Variants in BICRA observed in about 807,000 individuals in gnomAD.
BICRA encodes the protein BRD4 interacting chromatin remodeling complex associated protein, also known as BRD4-interacting chromatin-remodeling complex-associated protein.
In BICRA, 31 loss-of-function variants were observed where a neutral mutation model predicts 96.9. The ratio of observed to expected loss-of-function variants is 0.32; its 90% confidence interval spans 0.24 to 0.43. The LOEUF is 0.43. BICRA is among the 20% of genes least tolerant of loss of function. BICRA has a pLI of 1.00. For missense variants in BICRA, 2,283 were observed against 2,190.3 expected, an observed-to-expected ratio of 1.04 and a Z score of -0.84; for synonymous variants, 1,350 against 1,071.8, an observed-to-expected ratio of 1.26 and a Z score of -5.07.
Position 47,680,864 on chromosome 19 carries a change from G to A in BICRA, c.1694G>A (p.Ser565Asn). 6.5e-7 allele frequency: 1 copy of A among 1,541,206 alleles called. No individual in the cohort carries two copies. Among genetic ancestry groups the A allele is most frequent in the Non-Finnish European group, 8.7e-7 (1 of 1,154,280 alleles). The stretch of plus-strand genomic sequence containing the variant: ...ATGCCCGTGTCGCTGGCGGCGGGCA[G>A]CCTGCCCACGCAGAGCCAGCCAGCG... Reference protein sequence around the residue: ...FQMPVSLAAGSLPTQSQPAPA... With the variant: ...FQMPVSLAAGNLPTQSQPAPA... Residue 565 changes from serine to asparagine, a missense_variant, in exon 6 of 15, where the codon AGC becomes AAC. Coordinates refer to ENST00000594866, the MANE Select transcript of BICRA (RefSeq NM_001394372.1).
intron 1 of BICRA, among the ~76,000 whole-genome samples, chr19:47,640,274 G>A (rs919988383): frequency 2.0e-5 from 3 of 152,202 alleles, no homozygotes; most frequent in Non-Finnish European, 4.4e-5. Flanking sequence ...GCTCACGCCT[G>A]TCATCCCAGC....
intron 1 of BICRA, among the ~76,000 whole-genome samples, chr19:47,640,689 C>A (rs748900414): frequency 5.9e-5 from 9 of 151,944 alleles, no homozygotes; most frequent in Non-Finnish European, 1.2e-4. Flanking sequence ...TGTAACCGGC[C>A]CTTGCTGAAA....
chr19:47,701,389 T>C lies in BICRA; in HGVS notation c.3657T>C (p.His1219=). The part of the protein sequence containing the change: ...GLPIAASSEG[H]RLPGHGPLSS... Reference sequence around the variant, plus strand: ...CCATCGCAGCCTCTTCCGAGGGTCATCGGCTTCCCGGCCACGGCCCCCTGT... The same window carrying C: ...CCATCGCAGCCTCTTCCGAGGGTCACCGGCTTCCCGGCCACGGCCCCCTGT... The change falls in exon 15 of 15, where the codon CAT becomes CAC. Residue 1219 remains histidine, a synonymous_variant. Coordinates refer to ENST00000594866, the MANE Select transcript of BICRA (RefSeq NM_001394372.1). The surrounding 1 kb of genome is among the most constrained non-coding windows in gnomAD (Gnocchi z 5.4). The C allele has an allele frequency of 6.2e-7, 1 of 1,608,358 alleles. No homozygotes were observed. Among genetic ancestry groups the C allele is most frequent in the Non-Finnish European group, 8.5e-7 (1 of 1,178,076 alleles).
At chr19:47,658,824 G>A (rs934317214) in intron 1 of BICRA, among the ~76,000 whole-genome samples, 30 of 152,130 alleles carry the variant, frequency 2.0e-4, no homozygotes, top group African/African-American at 4.8e-4. Flanking sequence ...CCGTGCGCAC[G>A]TCTTGGGGAA....
intron 1 of BICRA, among the ~76,000 whole-genome samples, chr19:47,660,544 C>T (rs1972688839): frequency 2.0e-5 from 3 of 152,212 alleles, no homozygotes; most frequent in East Asian, 1.9e-4. Context: ...TTCTAGGCGT[C>T]ATAGCATGTT....
chr19:47,700,205 T>G (rs1342759745), intron 14 of BICRA: 2 of 152,334 alleles, frequency 1.3e-5, no homozygotes, highest in Non-Finnish European at 2.9e-5. Flanking sequence ...GTCTCTGTAT[T>G]CTCATTTTGT....
At chr19:47,667,022 CTT>C (rs1045708307) in intron 1 of BICRA, among the ~76,000 whole-genome samples, 10 of 143,046 alleles carry the variant, frequency 7.0e-5, no homozygotes, top group Non-Finnish European at 9.2e-5. Flanking sequence ...TGTCTTTTTT[CTT>C]TTTTTTTTTT....
At chr19:47,679,168 T>G (rs1215603835) in intron 5 of BICRA, 153 bp from the exon 6 acceptor site, 4 of 480,006 alleles carry the variant, frequency 8.3e-6, no homozygotes, top group Non-Finnish European at 7.1e-6. Flanking sequence ...CCCAAAGTGC[T>G]GAGATTACAA....
In BICRA at chr19:47,702,323, AC is replaced by A; in HGVS notation, c.4596del (p.Ala1533HisfsTer26). ...PSYPHAASAG[T>X]PASPPPLHRP... is the part of the protein sequence containing the mutation. ...GTACCCCCACGCTGCCTCGGCCGGC[AC>A]CCCCGCATCCCCGCCGCCCCTGCAC... On this transcript the variant is annotated frameshift_variant, in exon 15 of 15. Coordinates refer to ENST00000594866, the MANE Select transcript of BICRA (RefSeq NM_001394372.1). LOFTEE classifies it high-confidence loss of function. The A allele has an allele frequency of 3.2e-6, 5 of 1,552,168 alleles. No homozygotes were observed. The highest frequency in any genetic ancestry group is 3.5e-6 in the Non-Finnish European group (4 of 1,158,390).
In BICRA at chr19:47,680,619, G is replaced by A. The variant is rs1292093326; in HGVS notation, c.1449G>A (p.Pro483=). 3.1e-6 allele frequency: 5 copies of A among 1,610,188 alleles called. No homozygotes were observed. In the East Asian group the frequency reaches 6.7e-5, roughly 22 times the overall value. ...LLPGAPAVQL[P]QQLSALPANV... ...CTGGCGCCCCGGCGGTCCAGCTCCCGCAGCAGCTCTCAGCCCTGCCGGCCA... is the reference window on the plus strand; with the variant it reads ...CTGGCGCCCCGGCGGTCCAGCTCCCACAGCAGCTCTCAGCCCTGCCGGCCA... Residue 483 remains proline (P), a synonymous_variant, in exon 6 of 15, where the codon CCG becomes CCA. Coordinates refer to ENST00000594866, the MANE Select transcript of BICRA (RefSeq NM_001394372.1).
chr19:47,678,848 C>G (rs1459026716), intron 5 of BICRA: 3 of 208,592 alleles, frequency 1.4e-5, no homozygotes, highest in Non-Finnish European at 9.4e-6. Context: ...GATCCCGGGT[C>G]CAGCCACTTG....
At chr19:47,688,824 T>C (rs1172007449) in intron 7 of BICRA, among the ~76,000 whole-genome samples, 4 of 151,998 alleles carry the variant, frequency 2.6e-5, no homozygotes, top group Non-Finnish European at 5.9e-5. Flanking sequence ...CTTTGTTTTG[T>C]TTTATTTTTT....
At chr19:47,631,524 A>C (rs1454832738) in intron 1 of BICRA, among the ~76,000 whole-genome samples, 1 of 151,846 alleles carries the variant, frequency 6.6e-6, no homozygotes, top group Non-Finnish European at 1.5e-5. Flanking sequence ...CACCACATCC[A>C]GCCTAATTTT....
At chr19:47,615,627 G>A (rs1164477716) in intron 1 of BICRA, 2 of 152,060 alleles carry the variant, frequency 1.3e-5, no homozygotes, top group African/African-American at 2.4e-5. Flanking sequence ...CTCTTGTGAG[G>A]GTCCCCAAAC....
chr19:47,696,308 G>T, intron 10 of BICRA, 143 bp from the exon 11 acceptor site: 1 of 695,056 alleles, frequency 1.4e-6, no homozygotes. Context: ...GATGGGCAGG[G>T]GATCCTGTAG....
At chr19:47,610,825 G>C (rs1272649175) in intron 1 of BICRA, among the ~76,000 whole-genome samples, 3 of 152,038 alleles carry the variant, frequency 2.0e-5, no homozygotes, top group Non-Finnish European at 4.4e-5. Flanking sequence ...GACCTGCCCT[G>C]GGTCATGAGA....
At chr19:47,651,255 C>T (rs1222917742) in intron 1 of BICRA, among the ~76,000 whole-genome samples, 2 of 152,150 alleles carry the variant, frequency 1.3e-5, no homozygotes, top group African/African-American at 4.8e-5. Context: ...CTGAAGTCCT[C>T]GCCCTCGTTG....
intron 1 of BICRA, chr19:47,661,617 A>G (rs1218786575): frequency 1.3e-5 from 2 of 151,972 alleles, no homozygotes; most frequent in Non-Finnish European, 1.5e-5. Context: ...TAATGGCAGG[A>G]GCAGCCAGAT....
At chr19:47,695,342 T>TCGGGCCCCCCCCCCCCC in intron 9 of BICRA, 23 bp from the exon 10 acceptor site, 1 of 630,178 alleles carries the variant, frequency 1.6e-6, no homozygotes, top group East Asian at 2.8e-5. Flanking sequence ...AGGCCCTGTC[T>TCGGGCCCCCCCCCCCCC]CCCCCACCCC....
Sources: gnomAD v4.1 joint callset for allele counts (sites outside exome capture counted in the v4.1 genomes callset) on GRCh38, gnomAD v4.1.1 for gene constraint, Gnocchi (gnomAD v3.1) non-coding constraint, MANE v1.5 for transcripts, NCBI Gene and HGNC (gene_info 2026-07-23, HGNC 2026-07-21) for gene names.